The following ARHGAP6 variants were observed in gnomAD, a reference collection of about 807,000 sequenced individuals.
ARHGAP6 encodes rho GTPase-activating protein 6.
A neutral mutation model predicts 55.7 loss-of-function variants in ARHGAP6; 16 were observed. That is an observed-to-expected ratio of 0.29 (90% CI 0.19 to 0.44). The LOEUF is 0.44. Ranked by LOEUF, ARHGAP6 falls within the 20% of genes least tolerant of loss-of-function variation. The pLI, the probability that ARHGAP6 is intolerant of heterozygous loss-of-function variation, is 1.00. For missense variants in ARHGAP6, 698 were observed against 808.9 expected (o/e 0.86, Z 1.66); for synonymous variants, 382 against 360.9 (o/e 1.06, Z -0.66).
At chrX:11,253,577 G>A (rs1446865474) in intron 2 of ARHGAP6, among the ~76,000 whole-genome samples, 2 of 111,875 alleles carry the variant, frequency 1.8e-5, no homozygotes, top group East Asian at 5.6e-4. Context: ...CCTCAAAGTA[G>A]CTGTCTGCTA....
At chrX:11,625,224 C>T (rs2052281142) in intron 1 of ARHGAP6, among the ~76,000 whole-genome samples, 1 of 111,160 alleles carries the variant, frequency 9.0e-6, no homozygotes. Context: ...TTTTTTACAG[C>T]ACTATTCACA....
At chrX:11,271,697 A>C (rs1263456162) in intron 1 of ARHGAP6, among the ~76,000 whole-genome samples, 1 of 111,982 alleles carries the variant, frequency 8.9e-6, no homozygotes, top group Non-Finnish European at 1.9e-5. Context: ...TAAGTAATTC[A>C]AAATCTACAT....
intron 1 of ARHGAP6, among the ~76,000 whole-genome samples, chrX:11,480,074 T>G (rs967030771): frequency 6.3e-5 from 7 of 111,722 alleles, no homozygotes; most frequent in Admixed American, 5.7e-4. Flanking sequence ...TGTTCTCACT[T>G]GGATTTCTGC....
chrX:11,182,398 G>A (rs1180617974), intron 5 of ARHGAP6, among the ~76,000 whole-genome samples: 1 of 111,366 alleles, frequency 9.0e-6, no homozygotes, highest in Non-Finnish European at 1.9e-5. Context: ...GAGAAAATGA[G>A]CTTTTGTCCA....
At chrX:11,572,974 G>C (rs748967026) in intron 1 of ARHGAP6, among the ~76,000 whole-genome samples, 1 of 112,217 alleles carries the variant, frequency 8.9e-6, no homozygotes, top group South Asian at 3.7e-4. Flanking sequence ...TCTGTTGGCT[G>C]CATAAATGTC....
At chrX:11,650,677 A>G (rs897895639) in intron 1 of ARHGAP6, among the ~76,000 whole-genome samples, 1 of 112,861 alleles carries the variant, frequency 8.9e-6, no homozygotes. Flanking sequence ...GATTACTTCC[A>G]TAACACTATA....
intron 1 of ARHGAP6, among the ~76,000 whole-genome samples, chrX:11,387,209 T>C (rs755723015): frequency 9.8e-5 from 11 of 111,913 alleles, no homozygotes; most frequent in Non-Finnish European, 1.7e-4. Context: ...TCAGTGGGTG[T>C]CAACCCTGAC....
intron 1 of ARHGAP6, among the ~76,000 whole-genome samples, chrX:11,286,460 T>C (rs5934993): frequency 0.082 from 9,109 of 111,154 alleles, 558 homozygotes; most frequent in African/African-American, 0.21. Flanking sequence ...GGTACAAACT[T>C]TGGACCTTCA....
At chrX:11,613,010 T>G (rs764609037) in intron 1 of ARHGAP6, among the ~76,000 whole-genome samples, 1 of 113,077 alleles carries the variant, frequency 8.8e-6, no homozygotes, top group East Asian at 2.8e-4. Context: ...TGGTTTATTC[T>G]GGCTGGAAAA....
intron 1 of ARHGAP6, among the ~76,000 whole-genome samples, chrX:11,608,359 C>T (rs140247455): frequency 3.6e-5 from 4 of 111,936 alleles, no homozygotes; most frequent in Non-Finnish European, 5.6e-5. Flanking sequence ...GGTTATGGTA[C>T]ATTGCACATT....
chrX:11,160,047 A>G (rs748978934), intron 9 of ARHGAP6, among the ~76,000 whole-genome samples: 1 of 111,507 alleles, frequency 9.0e-6, no homozygotes, highest in Non-Finnish European at 1.9e-5. Flanking sequence ...ACAAAAATGT[A>G]TGTCCCGATC....
At chrX:11,477,469 C>T (rs771916124) in intron 1 of ARHGAP6, among the ~76,000 whole-genome samples, 54 of 111,633 alleles carry the variant, frequency 4.8e-4, no homozygotes, top group Admixed American at 1.6e-3. Context: ...GTTAAACATA[C>T]GCTTACCATA....
rs777985258 is a variant in ARHGAP6, at chrX:11,186,228, C to G, written c.1273+8G>C. ...TCCTTAGTACTTTAGACAGACAAGT[C>G]TACTTACCATGTTTTTCTAGGTGCT... is the stretch of plus-strand genomic sequence containing the variant. On this transcript the variant is annotated splice_region_variant and intron_variant, in intron 5 of 12. Coordinates refer to ENST00000337414, the MANE Select transcript of ARHGAP6 (RefSeq NM_013427.3). 8.3e-6 allele frequency: 10 copies of G among 1,205,611 alleles called. No homozygotes were observed. Among genetic ancestry groups the G allele is most frequent in the Non-Finnish European group, 1.1e-5 (10 of 891,421 alleles).
chrX:11,339,489 C>G (rs762884773), intron 1 of ARHGAP6, among the ~76,000 whole-genome samples: 32 of 110,875 alleles, frequency 2.9e-4, no homozygotes, highest in Non-Finnish European at 4.9e-4. Context: ...CAGCCTGTCT[C>G]AGATCATACA....
chrX:11,351,569 C>T (rs1419161929), intron 1 of ARHGAP6: 2 of 751,485 alleles, frequency 2.7e-6, no homozygotes, highest in Non-Finnish European at 1.6e-6. Flanking sequence ...GGCCTTGTAC[C>T]GCCTCAGTAC....
chrX:11,576,753 G>T (rs1001466796), intron 1 of ARHGAP6, among the ~76,000 whole-genome samples: 1 of 111,825 alleles, frequency 8.9e-6, no homozygotes, highest in African/African-American at 3.3e-5. Flanking sequence ...AAATTTAGTG[G>T]TTTAAATCAA....
intron 1 of ARHGAP6, among the ~76,000 whole-genome samples, chrX:11,310,293 A>G (rs1771651842): frequency 1.8e-5 from 2 of 110,223 alleles, no homozygotes; most frequent in African/African-American, 6.6e-5. Context: ...TTAAACATAC[A>G]TTTGCCATTA....
At chrX:11,362,290 T>C (rs2049022318) in intron 1 of ARHGAP6, among the ~76,000 whole-genome samples, 1 of 111,350 alleles carries the variant, frequency 9.0e-6, no homozygotes, top group Admixed American at 9.5e-5. Flanking sequence ...ATTAAGAAAA[T>C]GTGGCACATA....
intron 1 of ARHGAP6, among the ~76,000 whole-genome samples, chrX:11,647,015 T>C (rs754282423): frequency 4.5e-5 from 5 of 112,149 alleles, no homozygotes; most frequent in Admixed American, 3.8e-4. Context: ...ATCAAACTCA[T>C]AGGTAACAAG....
Sources: allele counts gnomAD v4.1 joint callset (sites outside exome capture counted in the v4.1 genomes callset), GRCh38; gene constraint gnomAD v4.1.1; transcripts MANE v1.5; gene names NCBI Gene and HGNC (gene_info 2026-07-23, HGNC 2026-07-21).